PSME2: variants seen among roughly 807,000 people sequenced by gnomAD.
The protein encoded by PSME2 is proteasome activator subunit 2, also known as proteasome activator complex subunit 2.
Under a neutral mutation model 38.8 loss-of-function variants are expected in PSME2, and 20 were observed. The ratio of observed to expected loss-of-function variants is 0.52; its 90% CI spans 0.36 to 0.75. The LOEUF (loss-of-function observed/expected upper bound fraction) is 0.75. Among genes scored for constraint, PSME2 ranks in the 30% least tolerant of loss-of-function variants. PSME2 has a pLI of 0.00. For missense variants in PSME2, 227 were observed against 287.6 expected, an observed-to-expected ratio of 0.79 and a Z score of 1.52; for synonymous variants, 82 against 102.5, an observed-to-expected ratio of 0.80 and a Z score of 1.21.
chr14:24,145,364 C>T lies in PSME2; in HGVS notation c.231+15G>A. On this transcript the variant is annotated intron_variant, in intron 4 of 10. Transcript: ENST00000216802. The stretch of plus-strand genomic sequence containing the variant: ...TTGGGTTTATAGTCCAAGTCCTGCA[C>T]CCTGAGTGCCTCACCTCATCATCCT... 6.2e-7 allele frequency: 1 copy of T among 1,605,548 alleles called. No homozygotes were observed. The highest frequency in any genetic ancestry group is 8.5e-7 in the Non-Finnish European group (1 of 1,175,180).
At position 24,144,042 on chromosome 14, in the gene PSME2, A is replaced by T; in HGVS notation, c.498-13T>A. On this transcript the variant is annotated splice_polypyrimidine_tract_variant and intron_variant, in intron 8 of 10. Coordinates refer to ENST00000216802, the MANE Select transcript of PSME2 (RefSeq NM_002818.3). ...TTCTGAGAAGTACCTGCCAGAAGCA[A>T]GGGAATACCACAGGAATGAGTGTTC... The T allele has an allele frequency of 6.2e-7, 1 of 1,613,468 alleles. No homozygotes were observed. The highest frequency in any genetic ancestry group is 8.5e-7 in the Non-Finnish European group (1 of 1,179,946).
At chr14:24,144,760 T>C in intron 6 of PSME2, 2 of 568,960 alleles carry the variant, frequency 3.5e-6, no homozygotes, top group South Asian at 2.1e-5. Flanking sequence ...CTCTCTAGGG[T>C]CCAATCTTTT....
Position 24,143,801 on chromosome 14 carries a change from G to T in PSME2, c.553-130C>A. The T allele has an allele frequency of 1.6e-6, 2 of 1,273,734 alleles. No individual in the cohort carries two copies. The highest frequency in any genetic ancestry group is 1.3e-5 in the South Asian group (1 of 78,650). The allele number at this position is 1,273,734 out of a possible 1,614,324, so 78.9% of individuals were successfully genotyped here. On this transcript the variant is annotated intron_variant, in intron 9 of 10. Coordinates refer to ENST00000216802, the MANE Select transcript of PSME2 (RefSeq NM_002818.3). This position sits in a 1 kb window ranked among gnomAD's most constrained non-coding sequence, Gnocchi z 4.4. ...AGCACCAAGAAATAGGATCCCAAAG[G>T]ACTGAGCAGAGAAAAGGGTCAAGGT... is the stretch of plus-strand genomic sequence containing the variant.
chr14:24,144,630 A>G (rs1292045636), intron 6 of PSME2, 162 bp from the exon 7 acceptor site: 5 of 710,290 alleles, frequency 7.0e-6, no homozygotes, highest in Non-Finnish European at 1.2e-5. Flanking sequence ...ACCTTCAGAG[A>G]TATGTATTTA....
In PSME2 at chr14:24,143,919, C is replaced by T. The variant is rs892587728; in HGVS notation, c.552+56G>A. The T allele has an allele frequency of 5.7e-6, 9 of 1,570,390 alleles. No individual in the cohort carries two copies. Among genetic ancestry groups the T allele is most frequent in the Non-Finnish European group, 7.9e-6 (9 of 1,141,606 alleles). ...ACAAACAAGACAAGGAGGACTTCTTCCTCCACACCTCCTCGTCCCACACCC... is the reference window on the plus strand; with the variant it reads ...ACAAACAAGACAAGGAGGACTTCTTTCTCCACACCTCCTCGTCCCACACCC... On this transcript the variant is annotated intron_variant, in intron 9 of 10. Transcript: ENST00000216802. This position sits in a 1 kb window ranked among gnomAD's most constrained non-coding sequence, Gnocchi z 4.4.
chr14:24,144,109 C>A, intron 8 of PSME2, 80 bp from the exon 9 acceptor site: 1 of 1,610,972 alleles, frequency 6.2e-7, no homozygotes, highest in East Asian at 2.2e-5. Context: ...AGTCTCCCAT[C>A]ATCCTGATAG....
chr14:24,145,673 G>A (rs764341277), intron 3 of PSME2, 37 bp downstream of exon 3: 7 of 1,590,896 alleles, frequency 4.4e-6, no homozygotes, highest in Non-Finnish European at 6.0e-6. Flanking sequence ...GGGGATAGAG[G>A]ACATAGGATG....
intron 2 of PSME2, 145 bp downstream of exon 2, chr14:24,146,063 T>A: frequency 3.0e-6 from 3 of 1,015,340 alleles, no homozygotes; most frequent in Admixed American, 2.0e-5. Flanking sequence ...TAGCTATCAA[T>A]AATTCCGGGG....
At chr14:24,144,757 G>A in intron 6 of PSME2, 2 of 569,918 alleles carry the variant, frequency 3.5e-6, no homozygotes, top group South Asian at 4.2e-5. Flanking sequence ...TCTCTCTCTA[G>A]GGTCCAATCT....
intron 8 of PSME2, 65 bp downstream of exon 8, chr14:24,144,127 C>T (rs2038116274): frequency 6.2e-7 from 1 of 1,611,612 alleles, no homozygotes; most frequent in East Asian, 2.2e-5. Context: ...TAGGGCTGCC[C>T]AGCTCTGGGG....
intron 1 of PSME2, 67 bp from the exon 2 acceptor site, chr14:24,146,307 A>C: frequency 6.3e-7 from 1 of 1,580,140 alleles, no homozygotes; most frequent in Non-Finnish European, 8.7e-7. Flanking sequence ...CACCCACAAC[A>C]GGGTGCCCTC....
At chr14:24,146,468 C>A in intron 1 of PSME2, 66 bp downstream of exon 1, 2 of 1,605,510 alleles carry the variant, frequency 1.2e-6, no homozygotes, top group Non-Finnish European at 1.7e-6. Flanking sequence ...GTCCCCTGAA[C>A]CACCCAGCTT....
At chr14:24,145,906 A>G in intron 2 of PSME2, 134 bp from the exon 3 acceptor site, 1 of 1,013,394 alleles carries the variant, frequency 9.9e-7, no homozygotes. Context: ...CCTGAAAATG[A>G]AAGGACTTGC....
chr14:24,144,897 T>C (rs1481011478), intron 6 of PSME2, 161 bp downstream of exon 6: 1 of 737,154 alleles, frequency 1.4e-6, no homozygotes, highest in African/African-American at 1.8e-5. Flanking sequence ...AAGAGAGGTC[T>C]AACAGAACGA....
chr14:24,146,552 G>A lies in PSME2; in HGVS notation c.30C>T (p.Ser10=), dbSNP rs1302813507. MAKPCGVRL[S]GEARKQVEVF... ...CCATTACCTGTTTGCGGGCTTCCCC[G>A]CTCAGGCGCACCCCACACGGCTTGG... The change falls in exon 1 of 11, where the codon AGC becomes AGT. Residue 10 remains serine, a synonymous_variant. Transcript: ENST00000216802. 2 of 1,613,798 alleles carry A rather than the reference G, an allele frequency of 1.2e-6. No homozygotes were observed. The highest frequency in any genetic ancestry group is 1.7e-5 in the Admixed American group (1 of 60,012).
At position 24,143,492 on chromosome 14, in the gene PSME2, G is replaced by A; in HGVS notation, c.640-3C>T. 2 of 1,614,090 alleles carry A rather than the reference G, an allele frequency of 1.2e-6. No individual in the cohort carries two copies. Among genetic ancestry groups the A allele is most frequent in the South Asian group, 2.2e-5 (2 of 91,072 alleles). On this transcript the variant is annotated splice_polypyrimidine_tract_variant and splice_region_variant and intron_variant, in intron 10 of 10. Transcript: ENST00000216802. The surrounding 1 kb of genome is among the most constrained non-coding windows in gnomAD (Gnocchi z 4.4). ...CTGATGATATGATAAAGCTCAGCCT[G>A]GGAGAAGGCCAGAGTGCAAGAGTCA...
chr14:24,145,640 G>T (rs1441308524), intron 3 of PSME2, 70 bp downstream of exon 3: 19 of 1,528,620 alleles, frequency 1.2e-5, no homozygotes, highest in Middle Eastern at 1.7e-4. Flanking sequence ...GAATCCAGTT[G>T]TTAGCTAGAG....
In PSME2 at chr14:24,143,706, T is replaced by G. The variant is rs1338846733; in HGVS notation, c.553-35A>C. The G allele has an allele frequency of 6.3e-7, 1 of 1,595,028 alleles. No individual in the cohort carries two copies. The highest frequency in any genetic ancestry group is 8.6e-7 in the Non-Finnish European group (1 of 1,163,174). On this transcript the variant is annotated intron_variant, in intron 9 of 10. Coordinates refer to ENST00000216802, the MANE Select transcript of PSME2 (RefSeq NM_002818.3). This position sits in a 1 kb window ranked among gnomAD's most constrained non-coding sequence, Gnocchi z 4.4. ...GGGAGGCAAAGCTGAGTCAGTCCCA[T>G]GGGAGGCTGGGACATGAGTCTGGTT...
Position 24,143,737 on chromosome 14 carries a change from T to C in PSME2, c.553-66A>G. 1 of 1,522,558 alleles carries C rather than the reference T, an allele frequency of 6.6e-7. No individual in the cohort carries two copies. Among genetic ancestry groups the C allele is most frequent in the Non-Finnish European group, 9.1e-7 (1 of 1,098,902 alleles). The allele number at this position is 1,522,558 out of a possible 1,614,324, so 94.3% of individuals were successfully genotyped here. On this transcript the variant is annotated intron_variant, in intron 9 of 10. Coordinates refer to ENST00000216802, the MANE Select transcript of PSME2 (RefSeq NM_002818.3). The surrounding 1 kb of genome is among the most constrained non-coding windows in gnomAD (Gnocchi z 4.4). Reference sequence around the variant, plus strand: ...GCTGGGACATGAGTCTGGTTTCCTTTTATAGGAAATAGGTTAACTTGAGAA... The same window carrying C: ...GCTGGGACATGAGTCTGGTTTCCTTCTATAGGAAATAGGTTAACTTGAGAA...
Sources: gnomAD v4.1 joint callset for allele counts on GRCh38, gnomAD v4.1.1 for gene constraint, Gnocchi (gnomAD v3.1) non-coding constraint, MANE v1.5 for transcripts, NCBI Gene and HGNC (gene_info 2026-07-23, HGNC 2026-07-21) for gene names.